TRPC3: variants seen among roughly 807,000 people sequenced by gnomAD.
TRPC3 encodes the protein transient receptor potential cation channel subfamily C member 3.
Under a neutral mutation model 90.9 loss-of-function variants are expected in TRPC3, and 54 were observed. The observed-to-expected ratio is 0.59, with a 90% CI of 0.48 to 0.75. The LOEUF is 0.75. TRPC3 is among the 30% of genes least tolerant of loss of function. TRPC3 has a pLI of 0.00. For synonymous variants in TRPC3, 424 were observed against 450.9 expected, an observed-to-expected ratio of 0.94 and a Z score of 0.75; for missense variants, 918 against 1,194.5, an observed-to-expected ratio of 0.77 and a Z score of 3.41.
intron 2 of TRPC3, among the ~76,000 whole-genome samples, chr4:121,931,726 T>C (rs1370413433): frequency 6.6e-6 from 1 of 152,228 alleles, no homozygotes; most frequent in African/African-American, 2.4e-5. Flanking sequence ...TTTTGACTTT[T>C]GATTCTAAAG....
intron 4 of TRPC3, 118 bp from the exon 5 acceptor site, chr4:121,912,211 T>C (rs1729134405): frequency 1.2e-6 from 1 of 835,342 alleles, no homozygotes; most frequent in Admixed American, 2.9e-5. Context: ...TCTGCTTCTG[T>C]TTCCAAAAAG....
intron 10 of TRPC3, among the ~76,000 whole-genome samples, chr4:121,899,288 T>C (rs1052279470): frequency 1.3e-5 from 2 of 152,184 alleles, no homozygotes; most frequent in African/African-American, 2.4e-5. Context: ...TCTACTGCTT[T>C]CTCCAGTTTA....
chr4:121,900,731 T>C (rs906742144), intron 9 of TRPC3, among the ~76,000 whole-genome samples: 2 of 152,206 alleles, frequency 1.3e-5, no homozygotes, highest in African/African-American at 4.8e-5. Flanking sequence ...TCTATGAATA[T>C]GAGTAATATT....
chr4:121,921,898 T>TTGTTTTTTG (rs1729525915), intron 3 of TRPC3, among the ~76,000 whole-genome samples: 1 of 149,308 alleles, frequency 6.7e-6, no homozygotes, highest in Admixed American at 6.8e-5. Flanking sequence ...AAGGAAGCCT[T>TTGTTTTTTG]TGTTTTTTGG....
chr4:121,911,796 A>G, intron 5 of TRPC3, 81 bp downstream of exon 5: 1 of 1,356,636 alleles, frequency 7.4e-7, no homozygotes, highest in Non-Finnish European at 1.0e-6. Flanking sequence ...ATATAATAAC[A>G]TTTTTTTTCA....
Position 121,932,983 on chromosome 4 carries a change from C to T in TRPC3, c.275G>A (p.Arg92His). 1.2e-6 allele frequency: 2 copies of T among 1,609,732 alleles called. No homozygotes were observed. The highest frequency in any genetic ancestry group is 1.7e-6 in the Non-Finnish European group (2 of 1,177,386). Residue 92 changes from arginine to histidine, a missense_variant, in exon 2 of 12, where the codon CGC becomes CAC. By Grantham distance (29) the Arg-to-His change is conservative (BLOSUM62 0). Around this residue, in one of 4 missense-constraint regions of TRPC3, gnomAD observed 609 missense variants for 725.9 expected, o/e 0.84. Coordinates refer to ENST00000379645, the MANE Select transcript of TRPC3 (RefSeq NM_001130698.2). This position sits in a 1 kb window ranked among gnomAD's most constrained non-coding sequence, Gnocchi z 7.7. ...GAAGGCCGGGCCCCTGACAGCCTGG[C>T]GCCGGCCCTTCTCCCGCATCACTGT... ...RMTVMREKGRRQAVRGPAFMF... is the reference protein window; with the variant it reads ...RMTVMREKGRHQAVRGPAFMF...
intron 1 of TRPC3, among the ~76,000 whole-genome samples, chr4:121,945,221 G>A (rs377042113): frequency 1.3e-5 from 2 of 152,110 alleles, no homozygotes; most frequent in Admixed American, 6.5e-5. Flanking sequence ...TCTTGGTTAC[G>A]TTAAATAATA....
At chr4:121,917,822 A>G (rs1729368743) in intron 3 of TRPC3, among the ~76,000 whole-genome samples, 1 of 152,242 alleles carries the variant, frequency 6.6e-6, no homozygotes, top group African/African-American at 2.4e-5. Context: ...CAGGTGGAGC[A>G]TATAATGTCA....
intron 3 of TRPC3, among the ~76,000 whole-genome samples, chr4:121,917,320 G>A (rs1391388088): frequency 6.6e-6 from 1 of 152,104 alleles, no homozygotes; most frequent in East Asian, 1.9e-4. Context: ...AACTTTCTAG[G>A]ATTCTTGTTG....
chr4:121,913,779 A>G (rs1375458887), intron 4 of TRPC3, among the ~76,000 whole-genome samples: 1 of 152,260 alleles, frequency 6.6e-6, no homozygotes, highest in East Asian at 1.9e-4. Context: ...AACATGATCA[A>G]AATGACAAAC....
rs1475285376 is a variant in TRPC3, at chr4:121,948,677, A to G, written c.215+2789T>C. Among the ~76,000 whole-genome samples the G allele has an allele frequency of 3.3e-5, 5 of 152,090 alleles. No homozygotes were observed. In the East Asian group the frequency reaches 9.6e-4, roughly 29 times the overall value. On this transcript the variant is annotated intron_variant, in intron 1 of 11. Coordinates refer to ENST00000379645, the MANE Select transcript of TRPC3 (RefSeq NM_001130698.2). ...CAAACTCAACTAATATTCCTTAAAC[A>G]TGCCTGGCATTTTGGGGAAAGAGAG... is the stretch of plus-strand genomic sequence containing the variant.
At chr4:121,937,265 C>T (rs1170995977) in intron 1 of TRPC3, among the ~76,000 whole-genome samples, 1 of 152,170 alleles carries the variant, frequency 6.6e-6, no homozygotes, top group Non-Finnish European at 1.5e-5. Context: ...AAGTTCTTTA[C>T]AATTACTGGG....
intron 1 of TRPC3, among the ~76,000 whole-genome samples, chr4:121,947,468 G>A (rs981039545): frequency 6.6e-6 from 1 of 152,204 alleles, no homozygotes; most frequent in South Asian, 2.1e-4. Context: ...CAAGACCAGT[G>A]CCACAGAAAC....
chr4:121,886,676 T>C (rs1045338790), intron 10 of TRPC3, among the ~76,000 whole-genome samples: 1 of 152,208 alleles, frequency 6.6e-6, no homozygotes, highest in African/African-American at 2.4e-5. Flanking sequence ...CTTGATTGAC[T>C]TTTACCTGTT....
intron 1 of TRPC3, among the ~76,000 whole-genome samples, chr4:121,936,977 G>A (rs1730151903): frequency 6.6e-6 from 1 of 152,126 alleles, no homozygotes; most frequent in South Asian, 2.1e-4. Context: ...AAACACTTAA[G>A]CAGATGAAAG....
intron 6 of TRPC3, among the ~76,000 whole-genome samples, chr4:121,909,304 C>T (rs1218604368): frequency 6.6e-6 from 1 of 152,022 alleles, no homozygotes; most frequent in Admixed American, 6.6e-5. Context: ...TCACAATGTG[C>T]CCTAATTACA....
In TRPC3 at chr4:121,887,566, T is replaced by C. The variant is rs1247678771; in HGVS notation, c.2548-5137A>G. Among the ~76,000 whole-genome samples the C allele has an allele frequency of 6.6e-5, 10 of 152,198 alleles. No homozygotes were observed. The South Asian group carries it at 1.4e-3, about 22-fold the overall frequency. ...AGCCATCAATGATATCCTTCATGGATTGGACCAGAGTCCACCACCTGGGCC... is the reference window on the plus strand; with the variant it reads ...AGCCATCAATGATATCCTTCATGGACTGGACCAGAGTCCACCACCTGGGCC... On this transcript the variant is annotated intron_variant, in intron 10 of 11. Coordinates refer to ENST00000379645, the MANE Select transcript of TRPC3 (RefSeq NM_001130698.2).
At chr4:121,910,015 A>C in intron 6 of TRPC3, 139 bp downstream of exon 6, 1 of 680,038 alleles carries the variant, frequency 1.5e-6, no homozygotes, top group Non-Finnish European at 2.5e-6. Flanking sequence ...TGTAGGTTCC[A>C]AAGTTCATGC....
At position 121,932,965 on chromosome 4, in the gene TRPC3, G is replaced by A; in HGVS notation, c.293C>T (p.Pro98Leu). ...EKGRRQAVRG[P>L]AFMFNDRGTS... ...GCCGCGGTCATTGAACATGAAGGCC[G>A]GGCCCCTGACAGCCTGGCGCCGGCC... The change falls in exon 2 of 12, where the codon CCG becomes CTG. Residue 98 changes from proline (P) to leucine (L), a missense_variant. By Grantham distance (98) the Pro-to-Leu change is moderately conservative. Coordinates refer to ENST00000379645, the MANE Select transcript of TRPC3 (RefSeq NM_001130698.2). The surrounding 1 kb of genome is among the most constrained non-coding windows in gnomAD (Gnocchi z 7.7). 1.2e-6 allele frequency: 2 copies of A among 1,613,022 alleles called. No individual in the cohort carries two copies. Among genetic ancestry groups the A allele is most frequent in the Non-Finnish European group, 1.7e-6 (2 of 1,179,488 alleles).
Sources: allele counts gnomAD v4.1 joint callset (sites outside exome capture counted in the v4.1 genomes callset), GRCh38; gene constraint gnomAD v4.1.1; regional missense constraint gnomAD v4.1.1; non-coding constraint Gnocchi (gnomAD v3.1); transcripts MANE v1.5; gene names NCBI Gene and HGNC (gene_info 2026-07-23, HGNC 2026-07-21).